The following CEACAM20 variants were observed in gnomAD, a reference collection of about 807,000 sequenced individuals.
CEACAM20 encodes the protein CEA cell adhesion molecule 20, also known as cell adhesion molecule CEACAM20.
Under a neutral mutation model 61.2 loss-of-function variants are expected in CEACAM20, and 50 were observed. The observed-to-expected ratio is 0.82, with a 90% CI of 0.65 to 1.03. The LOEUF is 1.03. Among genes scored for constraint, CEACAM20 ranks in the 50% least tolerant of loss-of-function variants. CEACAM20 has a pLI of 0.00. For synonymous variants in CEACAM20, 282 were observed against 287.7 expected, an observed-to-expected ratio of 0.98 and a Z score of 0.20; for missense variants, 683 against 736.4, an observed-to-expected ratio of 0.93 and a Z score of 0.84.
Position 44,529,643 on chromosome 19 carries a change from C to T in CEACAM20, c.-134G>A, listed in dbSNP as rs958641514. The T allele has an allele frequency of 2.6e-5, 18 of 693,242 alleles. No individual in the cohort carries two copies. The highest frequency in any genetic ancestry group is 4.7e-5 in the Admixed American group (2 of 42,266). The allele number at this position is 693,242 out of a possible 1,614,324, so 42.9% of individuals were successfully genotyped here. A position where few individuals can be genotyped will look rare whatever the true frequency, so the allele number is the denominator to read the frequency against. On this transcript the variant is annotated 5_prime_UTR_variant, in exon 1 of 12. It adds an upstream start codon to the 5' untranslated region. Transcript: ENST00000614924. ...TCCCACCCTGCTACAAACTCACACACACACTGCAGTAACTGCAGCTCCCAG... is the reference window on the plus strand; with the variant it reads ...TCCCACCCTGCTACAAACTCACACATACACTGCAGTAACTGCAGCTCCCAG...
intron 2 of CEACAM20, among the ~76,000 whole-genome samples, chr19:44,524,738 CCT>C (rs1212122680): frequency 6.6e-6 from 1 of 152,116 alleles, no homozygotes; most frequent in Non-Finnish European, 1.5e-5. Context: ...CACCACCAAA[CCT>C]GGAGGATTTT....
intron 8 of CEACAM20, among the ~76,000 whole-genome samples, chr19:44,512,665 G>A (rs1011685224): frequency 1.3e-5 from 2 of 152,178 alleles, no homozygotes; most frequent in African/African-American, 2.4e-5. Context: ...TGCTTTTGCC[G>A]GGACTGTTGG....
Position 44,520,501 on chromosome 19 carries a change from T to C in CEACAM20, c.1003A>G (p.Ser335Gly), listed in dbSNP as rs200961907. ...EVWNWGSRAR[S>G]EPLELTINYG... is the part of the protein sequence containing the mutation. ...TTGATGGTCAGCTCAAGGGGCTCACTCCGGGCCCGGCTGCCCCAGTTCCAG... is the reference window on the plus strand; with the variant it reads ...TTGATGGTCAGCTCAAGGGGCTCACCCCGGGCCCGGCTGCCCCAGTTCCAG... The change falls in exon 5 of 12, where the codon AGT becomes GGT. Residue 335 changes from serine to glycine, a missense_variant. Physicochemically the swap from Ser to Gly is moderately conservative, Grantham distance 56. Coordinates refer to ENST00000614924, the MANE Select transcript of CEACAM20 (RefSeq NM_001102597.3). 1,315 of 1,613,406 alleles carry C rather than the reference T, an allele frequency of 8.2e-4. 4 individuals carry two copies. The highest frequency in any genetic ancestry group is 8.8e-4 in the South Asian group (80 of 91,054).
Position 44,517,178 on chromosome 19 carries a change from C to G in CEACAM20, c.1077G>C (p.Met359Ile), listed in dbSNP as rs748821088. Reference protein sequence around the residue: ...VHITRESASEMISTIEAELNS... With the variant: ...VHITRESASEIISTIEAELNS... Reference sequence around the variant, plus strand: ...TGAGCTCTGCCTCTATGGTGCTGATCATCTCAGATGCCGACTCCCTGGTGA... The same window carrying G: ...TGAGCTCTGCCTCTATGGTGCTGATGATCTCAGATGCCGACTCCCTGGTGA... Residue 359 changes from methionine to isoleucine, a missense_variant, in exon 6 of 12, where the codon ATG (methionine) becomes ATC (isoleucine). Physicochemically the swap from Met to Ile is conservative, Grantham distance 10. Coordinates refer to ENST00000614924, the MANE Select transcript of CEACAM20 (RefSeq NM_001102597.3). 10 of 1,611,932 alleles carry G rather than the reference C, an allele frequency of 6.2e-6. No homozygotes were observed. The highest frequency in any genetic ancestry group is 8.5e-6 in the Non-Finnish European group (10 of 1,179,886).
intron 4 of CEACAM20, among the ~76,000 whole-genome samples, chr19:44,521,599 C>T (rs1446283191): frequency 3.3e-5 from 5 of 151,100 alleles, no homozygotes; most frequent in Non-Finnish European, 7.4e-5. Context: ...TGTGTATGTG[C>T]TGTGGGTTTG....
chr19:44,522,127 C>G (rs1301006550), intron 4 of CEACAM20, among the ~76,000 whole-genome samples: 1 of 150,968 alleles, frequency 6.6e-6, no homozygotes, highest in East Asian at 1.9e-4. Flanking sequence ...TTTTTTTAGA[C>G]AGAGTCTTGC....
intron 6 of CEACAM20, 83 bp from the exon 7 acceptor site, chr19:44,513,372 T>C (rs762962418): frequency 2.4e-5 from 21 of 868,718 alleles, no homozygotes; most frequent in Non-Finnish European, 3.8e-5. Flanking sequence ...TGCAGCTTTT[T>C]CTCTACTGAC....
At chr19:44,517,317 A>G (rs1004174951) in intron 5 of CEACAM20, 93 bp from the exon 6 acceptor site, 1 of 1,467,522 alleles carries the variant, frequency 6.8e-7, no homozygotes, top group African/African-American at 1.4e-5. Context: ...TTTCAGTAAA[A>G]TAAACAGAAC....
chr19:44,522,933 A>G (rs374188048), intron 3 of CEACAM20, 21 bp from the exon 4 acceptor site: 2 of 1,583,008 alleles, frequency 1.3e-6, no homozygotes, highest in African/African-American at 2.7e-5. Context: ...AGGAACAATT[A>G]CAGCAGTAAC....
At chr19:44,529,397 G>T in intron 1 of CEACAM20, 61 bp downstream of exon 1, 2 of 1,184,074 alleles carry the variant, frequency 1.7e-6, no homozygotes, top group Non-Finnish European at 2.4e-6. Flanking sequence ...CACACACACC[G>T]CTGACAAATA....
rs750571699 is a variant in CEACAM20, at chr19:44,511,162, G to A, written c.1612-7C>T. On this transcript the variant is annotated splice_polypyrimidine_tract_variant and splice_region_variant and intron_variant, in intron 10 of 11. Coordinates refer to ENST00000614924, the MANE Select transcript of CEACAM20 (RefSeq NM_001102597.3). ...TTGCTGAAGGCAGCTTCGTCTGCAAGTAAGCAGAGAAATTAGGCAGGGCCC... is the reference window on the plus strand; with the variant it reads ...TTGCTGAAGGCAGCTTCGTCTGCAAATAAGCAGAGAAATTAGGCAGGGCCC... The A allele has an allele frequency of 6.2e-7, 1 of 1,613,354 alleles. No individual in the cohort carries two copies. The highest frequency in any genetic ancestry group is 1.1e-5 in the South Asian group (1 of 91,016).
rs117353101 is a variant in CEACAM20, at chr19:44,520,991, G to A, written c.752-239C>T. Reference sequence around the variant, plus strand: ...GCAATGAGTTTTGTGTGTATGGAGAGTGTGTGGTGTGTAAGTGTTTTGCGT... The same window carrying A: ...GCAATGAGTTTTGTGTGTATGGAGAATGTGTGGTGTGTAAGTGTTTTGCGT... On this transcript the variant is annotated intron_variant, in intron 4 of 11. Transcript: ENST00000614924. Among the ~76,000 whole-genome samples, 23 of 152,258 alleles carry A rather than the reference G, an allele frequency of 1.5e-4. No homozygotes were observed. In the East Asian group the frequency reaches 4.2e-3, roughly 28 times the overall value.
intron 1 of CEACAM20, 70 bp downstream of exon 1, chr19:44,529,379 CACACACACA>C (rs1971643394): frequency 7.8e-7 from 1 of 1,279,446 alleles, no homozygotes. Context: ...CACACACACA[CACACACACA>C]CACACACCGC....
At chr19:44,523,436 TG>T (rs1971431139) in intron 3 of CEACAM20, among the ~76,000 whole-genome samples, 1 of 152,046 alleles carries the variant, frequency 6.6e-6, no homozygotes, top group Non-Finnish European at 1.5e-5. Flanking sequence ...AATGAATGAA[TG>T]AATGAATGAA....
intron 6 of CEACAM20, among the ~76,000 whole-genome samples, chr19:44,514,861 G>A (rs946520176): frequency 1.3e-5 from 2 of 152,000 alleles, no homozygotes; most frequent in East Asian, 1.9e-4. Flanking sequence ...TTAAGGCCAG[G>A]CTGGAGTGCA....
intron 11 of CEACAM20, among the ~76,000 whole-genome samples, chr19:44,507,792 A>G (rs1970861289): frequency 6.6e-6 from 1 of 152,220 alleles, no homozygotes. Context: ...ATACTCTGGG[A>G]GGCCAAGGTG....
chr19:44,525,610 T>C (rs1971507178), intron 1 of CEACAM20, among the ~76,000 whole-genome samples: 2 of 152,080 alleles, frequency 1.3e-5, no homozygotes, highest in Admixed American at 1.3e-4. Flanking sequence ...GCCCGGCTAA[T>C]TTTTGTATTT....
intron 3 of CEACAM20, 64 bp from the exon 4 acceptor site, chr19:44,522,976 C>T: frequency 7.4e-7 from 1 of 1,354,096 alleles, no homozygotes; most frequent in Non-Finnish European, 1.0e-6. Context: ...TTATGGAGGT[C>T]TTTAACGGAT....
At chr19:44,527,718 C>A (rs1971570434) in intron 1 of CEACAM20, among the ~76,000 whole-genome samples, 1 of 152,210 alleles carries the variant, frequency 6.6e-6, no homozygotes, top group South Asian at 2.1e-4. Flanking sequence ...AGCCCCTGCA[C>A]CCTTCCAGGG....
Sources: gnomAD v4.1 joint callset for allele counts (sites outside exome capture counted in the v4.1 genomes callset) on GRCh38, gnomAD v4.1.1 for gene constraint, MANE v1.5 for transcripts, NCBI Gene and HGNC (gene_info 2026-07-23, HGNC 2026-07-21) for gene names.